GOLGB1: variants seen among roughly 807,000 people sequenced by gnomAD.
GOLGB1 encodes the protein golgin B1.
In GOLGB1, 174 loss-of-function variants were observed where a neutral mutation model predicts 336.9. The ratio of observed to expected loss-of-function variants is 0.52; its 90% CI spans 0.46 to 0.59. The LOEUF is 0.59. Ranked by LOEUF, GOLGB1 falls within the 20% of genes least tolerant of loss-of-function variation. The probability of loss-of-function intolerance (pLI) is 0.00; values close to 1 mark genes in which losing one functional copy is unlikely to be tolerated. For missense variants in GOLGB1, 3,331 were observed against 3,645.3 expected (o/e 0.91, Z 2.22); for synonymous variants, 1,208 against 1,289.2 (o/e 0.94, Z 1.35).
chr3:121,694,050 A>T lies in GOLGB1; in HGVS notation c.6473T>A (p.Val2158Asp). 1.2e-6 allele frequency: 2 copies of T among 1,614,034 alleles called. No homozygotes were observed. The highest frequency in any genetic ancestry group is 1.7e-6 in the Non-Finnish European group (2 of 1,179,964). The change falls in exon 13 of 22, where the codon GTC (valine) becomes GAC (aspartate). Residue 2158 changes from valine to aspartate, a missense_variant. Physicochemically the swap from Val to Asp is radical, Grantham distance 152. Transcript: ENST00000614479. ...EKLDALRREK[V>D]HLEETIGEIQ... ...CTCTCCAATTGTCTCTTCCAAGTGG[A>T]CTTTTTCTCTGCGCAAAGCATCCAG...
At position 121,708,169 on chromosome 3, in the gene GOLGB1, G is replaced by T. The variant is rs144805809; in HGVS notation, c.1405-5574C>A. ...TGCTGAGTAAAATAAGCCAACAAAA[G>T]TGCATATACAACTTATATAAACTTT... On this transcript the variant is annotated intron_variant, in intron 10 of 21. Transcript: ENST00000614479. Among the ~76,000 whole-genome samples the T allele has an allele frequency of 1.0e-3, 157 of 152,214 alleles. 1 individual carries two copies. In the East Asian group the frequency reaches 0.024, roughly 23 times the overall value.
At chr3:121,675,602 T>C (rs956937444) in intron 17 of GOLGB1, among the ~76,000 whole-genome samples, 2 of 152,124 alleles carry the variant, frequency 1.3e-5, no homozygotes, top group African/African-American at 2.4e-5. Flanking sequence ...TCTAAGTGGG[T>C]AGGAGTGAAC....
chr3:121,694,265 T>A lies in GOLGB1; in HGVS notation c.6258A>T (p.Lys2086Asn). Residue 2086 changes from lysine to asparagine, a missense_variant, in exon 13 of 22, where the codon AAA (lysine) becomes AAT (asparagine). Coordinates refer to ENST00000614479, the MANE Select transcript of GOLGB1 (RefSeq NM_001366282.2). ...KKAQAELASF[K>N]VLLDDTQSEA... ...CACTTTGAGTGTCATCTAGCAGGAC[T>A]TTGAAGCTAGCTAATTCTGCTTGTG... is the stretch of plus-strand genomic sequence containing the variant. The A allele has an allele frequency of 1.9e-6, 3 of 1,610,424 alleles. No individual in the cohort carries two copies. The highest frequency in any genetic ancestry group is 2.5e-6 in the Non-Finnish European group (3 of 1,179,994).
At chr3:121,687,409 T>C (rs1941865979) in intron 14 of GOLGB1, among the ~76,000 whole-genome samples, 1 of 152,208 alleles carries the variant, frequency 6.6e-6, no homozygotes, top group Non-Finnish European at 1.5e-5. Flanking sequence ...TATATGGTGA[T>C]GGTCTGAAAA....
At chr3:121,705,949 G>A (rs1943780674) in intron 10 of GOLGB1, among the ~76,000 whole-genome samples, 1 of 152,116 alleles carries the variant, frequency 6.6e-6, no homozygotes, top group Admixed American at 6.5e-5. Context: ...AATCAAAGCA[G>A]CAGGATCTGA....
At chr3:121,683,451 G>C (rs946157247) in intron 14 of GOLGB1, among the ~76,000 whole-genome samples, 20 of 152,076 alleles carry the variant, frequency 1.3e-4, no homozygotes, top group African/African-American at 4.8e-4. Context: ...GAAATGAAAA[G>C]TCTTCTCTTG....
rs763754776 is a variant in GOLGB1 at position 121,681,714 on chromosome 3, G to A, written c.8846C>T (p.Ser2949Phe). 1.9e-5 allele frequency: 31 copies of A among 1,611,364 alleles called. No individual in the cohort carries two copies. Among genetic ancestry groups the A allele is most frequent in the Non-Finnish European group, 2.4e-5 (28 of 1,178,234 alleles). ...GAGCTGATGCAGCTCATGCTGCCAG[G>A]AGAGGTTTTCCTGCCTGAGCTCTTC... ...MQEELRQENL[S>F]WQHELHQLRM... The change falls in exon 15 of 22, where the codon TCC becomes TTC. Residue 2949 changes from serine to phenylalanine, a missense_variant. By Grantham distance (155) the Ser-to-Phe change is radical. Coordinates refer to ENST00000614479, the MANE Select transcript of GOLGB1 (RefSeq NM_001366282.2).
chr3:121,666,927 C>G (rs1394189035), intron 20 of GOLGB1, among the ~76,000 whole-genome samples: 2 of 152,186 alleles, frequency 1.3e-5, no homozygotes, highest in Non-Finnish European at 2.9e-5. Flanking sequence ...ACAGTTCACT[C>G]TGTTATTCCA....
chr3:121,714,801 G>C (rs142570934), intron 10 of GOLGB1, 60 bp downstream of exon 10: 1 of 1,061,244 alleles, frequency 9.4e-7, no homozygotes, highest in Admixed American at 1.7e-5. Flanking sequence ...TTAGAGCACC[G>C]AAGTACAGAT....
At chr3:121,734,081 T>C (rs1424294045) in intron 1 of GOLGB1, among the ~76,000 whole-genome samples, 1 of 151,994 alleles carries the variant, frequency 6.6e-6, no homozygotes, top group Non-Finnish European at 1.5e-5. Flanking sequence ...AAGACAAGGT[T>C]AAGAAAATGA....
intron 10 of GOLGB1, among the ~76,000 whole-genome samples, chr3:121,709,238 T>A (rs1315269373): frequency 6.6e-6 from 1 of 152,202 alleles, no homozygotes; most frequent in Non-Finnish European, 1.5e-5. Context: ...TCCACAGTCA[T>A]AGTTGGAGAT....
Position 121,692,236 on chromosome 3 carries a change from A to G in GOLGB1, c.7128T>C (p.Ser2376=), listed in dbSNP as rs770787205. The part of the protein sequence containing the change: ...TDLQASRELT[S]RLHEEINMKE... ...TCATATTTATTTCTTCATGCAGCCT[A>G]CTGGTCAGTTCTCTGGAGGCCTGAA... Residue 2376 remains serine (S), a synonymous_variant, in exon 14 of 22, where the codon AGT becomes AGC. Coordinates refer to ENST00000614479, the MANE Select transcript of GOLGB1 (RefSeq NM_001366282.2). 2.5e-6 allele frequency: 4 copies of G among 1,600,484 alleles called. No individual in the cohort carries two copies. Among genetic ancestry groups the G allele is most frequent in the East Asian group, 4.5e-5 (2 of 44,842 alleles).
At position 121,698,622 on chromosome 3, in the gene GOLGB1, T is replaced by C; in HGVS notation, c.1901A>G (p.Glu634Gly). 5.0e-6 allele frequency: 8 copies of C among 1,613,794 alleles called. No individual in the cohort carries two copies. Among genetic ancestry groups the C allele is most frequent in the Non-Finnish European group, 6.8e-6 (8 of 1,179,748 alleles). ...TTTTTCAACTGCTGGAAGACTGCTCTCTTCATTTGGCATTAAGGGAAAATC... is the reference window on the plus strand; with the variant it reads ...TTTTTCAACTGCTGGAAGACTGCTCCCTTCATTTGGCATTAAGGGAAAATC... ...GQDFPLMPNE[E>G]SSLPAVEKEQ... Residue 634 changes from glutamate (E) to glycine (G), a missense_variant, in exon 13 of 22, where the codon GAG (glutamate) becomes GGG (glycine). Glu to Gly is a moderately conservative substitution (Grantham distance 98). Transcript: ENST00000614479.
chr3:121,665,039 G>C lies in GOLGB1; in HGVS notation c.9555-8C>G, dbSNP rs573640886. The C allele has an allele frequency of 1.1e-4, 171 of 1,532,460 alleles. No individual in the cohort carries two copies. The highest frequency in any genetic ancestry group is 1.5e-4 in the Non-Finnish European group (168 of 1,109,486). The allele number at this position is 1,532,460 out of a possible 1,614,324, so 94.9% of individuals were successfully genotyped here. A position where few individuals can be genotyped will look rare whatever the true frequency, so the allele number is the denominator to read the frequency against. On this transcript the variant is annotated splice_region_variant and splice_polypyrimidine_tract_variant and intron_variant, in intron 20 of 21. Coordinates refer to ENST00000614479, the MANE Select transcript of GOLGB1 (RefSeq NM_001366282.2). ...CATTCACTGTGCTCTAACCTGAGTT[G>C]AGAAAAAAAAGAGGCATAGCATTGG... is the stretch of plus-strand genomic sequence containing the variant.
chr3:121,731,052 A>G, intron 1 of GOLGB1, 79 bp from the exon 2 acceptor site: 1 of 1,380,498 alleles, frequency 7.2e-7, no homozygotes, highest in Non-Finnish European at 9.9e-7. Flanking sequence ...TAACCATATC[A>G]TCCGTGAATG....
At chr3:121,705,684 C>T (rs1182916854) in intron 10 of GOLGB1, among the ~76,000 whole-genome samples, 1 of 152,130 alleles carries the variant, frequency 6.6e-6, no homozygotes, top group East Asian at 1.9e-4. Context: ...TGCAGATCTG[C>T]AAAGGGACTG....
intron 5 of GOLGB1, 89 bp from the exon 6 acceptor site, chr3:121,722,467 A>G: frequency 1.4e-6 from 1 of 695,632 alleles, no homozygotes; most frequent in East Asian, 2.6e-5. Flanking sequence ...TTCTTGCTTA[A>G]CCTAAATGCC....
chr3:121,749,582 A>T (rs1018918709), intron 1 of GOLGB1, 50 bp downstream of exon 1: 2 of 152,164 alleles, frequency 1.3e-5, no homozygotes, highest in Admixed American at 6.5e-5. Flanking sequence ...GGCGGGGGTG[A>T]CCGTTATTGG....
intron 14 of GOLGB1, among the ~76,000 whole-genome samples, chr3:121,685,923 C>T (rs1941676134): frequency 6.6e-6 from 1 of 152,088 alleles, no homozygotes; most frequent in Non-Finnish European, 1.5e-5. Context: ...TTTATGCAAT[C>T]CACTCACTCC....
Sources: gnomAD v4.1 joint callset for allele counts (sites outside exome capture counted in the v4.1 genomes callset) on GRCh38, gnomAD v4.1.1 for gene constraint, MANE v1.5 for transcripts, NCBI Gene and HGNC (gene_info 2026-07-23, HGNC 2026-07-21) for gene names.